CUBN: variants seen among roughly 807,000 people sequenced by gnomAD.
CUBN encodes the protein 460 kDa receptor.
Under a neutral mutation model 405.3 loss-of-function variants are expected in CUBN, and 282 were observed. The ratio of observed to expected loss-of-function variants is 0.70; its 90% CI spans 0.63 to 0.77. CUBN has a LOEUF of 0.77. CUBN is among the 30% of genes least tolerant of loss of function. CUBN has a pLI of 0.00. For missense variants in CUBN, 4,514 were observed against 4,475.2 expected (o/e 1.01, Z -0.25); for synonymous variants, 1,684 against 1,617.0 (o/e 1.04, Z -0.99).
At chr10:16,980,694 G>A (rs946629518) in intron 31 of CUBN, among the ~76,000 whole-genome samples, 2 of 152,088 alleles carry the variant, frequency 1.3e-5, no homozygotes, top group Non-Finnish European at 2.9e-5. Context: ...CCTGTCGAGG[G>A]GTGGGGGGCT....
In CUBN at chr10:17,129,745, A is replaced by T. The variant is rs770907287; in HGVS notation, c.21T>A (p.Pro7=). The part of the protein sequence containing the change: MMNMSL[P]FLWSLLTLLI... ...ATAAGGTAAGCAAACTCCAAAGAAA[A>T]GGTAAAGACATGTTCATCATCAACC... The change falls in exon 1 of 67, where the codon CCT becomes CCA. Residue 7 remains proline (P), a synonymous_variant. Coordinates refer to ENST00000377833, the MANE Select transcript of CUBN (RefSeq NM_001081.4). 56 of 1,614,006 alleles carry T rather than the reference A, an allele frequency of 3.5e-5. No homozygotes were observed. Among genetic ancestry groups the T allele is most frequent in the Non-Finnish European group, 4.6e-5 (54 of 1,179,976 alleles).
intron 22 of CUBN, among the ~76,000 whole-genome samples, chr10:17,052,930 A>C (rs1835307777): frequency 6.6e-6 from 1 of 152,034 alleles, no homozygotes; most frequent in Non-Finnish European, 1.5e-5. Flanking sequence ...ACAGTATTTC[A>C]CTTGTGAAGT....
At position 16,841,043 on chromosome 10, in the gene CUBN, T is replaced by C. The variant is rs1839332898; in HGVS notation, c.9668A>G (p.Tyr3223Cys). ...QRCLYDYVKL[Y>C]DGDSENANLA... ...GTTCGCATTTTCACTATCCCCATCATATAACTGAGAAGAAAAACAATTCAT... is the reference window on the plus strand; with the variant it reads ...GTTCGCATTTTCACTATCCCCATCACATAACTGAGAAGAAAAACAATTCAT... Residue 3223 changes from tyrosine to cysteine, a missense_variant, in exon 61 of 67, where the codon TAT becomes TGT. Around this residue, in one of 5 missense-constraint regions of CUBN, gnomAD observed 1,186 missense variants for 1,186.9 expected, o/e 1.00. Coordinates refer to ENST00000377833, the MANE Select transcript of CUBN (RefSeq NM_001081.4). The C allele has an allele frequency of 1.2e-6, 2 of 1,613,994 alleles. No homozygotes were observed. Among genetic ancestry groups the C allele is most frequent in the Non-Finnish European group, 1.7e-6 (2 of 1,179,944 alleles).
intron 17 of CUBN, among the ~76,000 whole-genome samples, chr10:17,079,671 G>C (rs528315454): frequency 6.6e-6 from 1 of 152,172 alleles, no homozygotes; most frequent in African/African-American, 2.4e-5. Flanking sequence ...CCTATGTGGT[G>C]TGTTTGCTTG....
intron 31 of CUBN, among the ~76,000 whole-genome samples, chr10:16,966,727 G>A (rs942745829): frequency 7.2e-5 from 11 of 152,182 alleles, no homozygotes; most frequent in African/African-American, 2.7e-4. Context: ...GGGATTACAG[G>A]CATGAGCCAC....
intron 28 of CUBN, among the ~76,000 whole-genome samples, chr10:16,996,098 A>G (rs948342070): frequency 6.6e-6 from 1 of 152,084 alleles, no homozygotes; most frequent in African/African-American, 2.4e-5. Flanking sequence ...CGGAACTAAC[A>G]ATGTTGAATG....
At chr10:16,944,802 G>A (rs117152064) in intron 36 of CUBN, among the ~76,000 whole-genome samples, 2 of 152,298 alleles carry the variant, frequency 1.3e-5, no homozygotes, top group Non-Finnish European at 2.9e-5. Context: ...TTCTGTGTGT[G>A]TAATCTCCCA....
intron 27 of CUBN, among the ~76,000 whole-genome samples, chr10:17,030,128 GGT>G (rs1834758067): frequency 6.6e-6 from 1 of 152,116 alleles, no homozygotes; most frequent in Non-Finnish European, 1.5e-5. Flanking sequence ...ACCCCCCAGT[GGT>G]ACTGTCTAAT....
intron 27 of CUBN, among the ~76,000 whole-genome samples, chr10:17,033,167 C>A (rs1175895326): frequency 1.3e-5 from 2 of 152,166 alleles, no homozygotes; most frequent in Non-Finnish European, 2.9e-5. Context: ...TCTTAATGTG[C>A]CCACCCTGCT....
At chr10:16,880,935 T>C (rs1459556427) in intron 56 of CUBN, among the ~76,000 whole-genome samples, 1 of 152,094 alleles carries the variant, frequency 6.6e-6, no homozygotes, top group Admixed American at 6.5e-5. Context: ...CAATATGATG[T>C]GGAAAAAGAG....
intron 36 of CUBN, among the ~76,000 whole-genome samples, chr10:16,945,917 A>T (rs1374982390): frequency 6.6e-6 from 1 of 152,138 alleles, no homozygotes; most frequent in Non-Finnish European, 1.5e-5. Flanking sequence ...TTGATGGATT[A>T]AAAAAAGCAA....
chr10:16,882,159 A>G (rs1287993845), intron 56 of CUBN, among the ~76,000 whole-genome samples: 1 of 152,204 alleles, frequency 6.6e-6, no homozygotes, highest in Non-Finnish European at 1.5e-5. Context: ...ACCAAGAGGC[A>G]GCATTCGATC....
chr10:17,105,556 C>T lies in CUBN; in HGVS notation c.1131G>A (p.Thr377=), dbSNP rs778306723. ...CATTTCCAGTATAACCCGGGAGACA[C>T]GTGCAGAGAGGTAAGGAACCTGTTC... ...SSTLGSLPLC[T]CLPGYTGNGY... is the part of the protein sequence containing the mutation. Residue 377 remains threonine, a synonymous_variant, in exon 11 of 67, where the codon ACG becomes ACA. Transcript: ENST00000377833. 42 of 1,604,464 alleles carry T rather than the reference C, an allele frequency of 2.6e-5. No individual in the cohort carries two copies. The East Asian group carries it at 5.6e-4, about 21-fold the overall frequency.
In CUBN at chr10:17,104,591, A is replaced by G. The variant is rs12571671; in HGVS notation, c.1245T>C (p.Gly415=). The change falls in exon 12 of 67, where the codon GGT becomes GGC. Residue 415 remains glycine (G), a synonymous_variant. Coordinates refer to ENST00000377833, the MANE Select transcript of CUBN (RefSeq NM_001081.4). ...LNGQCIDTVS[G]YFCKCDSGWT... The stretch of plus-strand genomic sequence containing the variant: ...AACCTGAGTCACACTTACAAAAATA[A>G]CCAGAGACAGTGTCCTAAGGGGAAA... 74,478 of 1,613,208 alleles carry G rather than the reference A, an allele frequency of 0.046. 3,597 individuals carry two copies. Among genetic ancestry groups the G allele is most frequent in the East Asian group, 0.26 (11,472 of 44,818 alleles).
At chr10:16,939,804 A>T (rs1002063614) in intron 37 of CUBN, among the ~76,000 whole-genome samples, 1 of 152,212 alleles carries the variant, frequency 6.6e-6, no homozygotes, top group African/African-American at 2.4e-5. Flanking sequence ...TAGAAATTAG[A>T]GCTTAAAAAG....
intron 59 of CUBN, among the ~76,000 whole-genome samples, chr10:16,856,051 T>C (rs772580698): frequency 6.6e-6 from 1 of 152,196 alleles, no homozygotes; most frequent in Non-Finnish European, 1.5e-5. Flanking sequence ...TGTGTTTCAA[T>C]GGTGGGGGAA....
rs754303848 is a variant in CUBN, at chr10:17,129,702, T to A, written c.64A>T (p.Asn22Tyr). 2 of 1,614,094 alleles carry A rather than the reference T, an allele frequency of 1.2e-6. No homozygotes were observed. The highest frequency in any genetic ancestry group is 2.2e-5 in the South Asian group (2 of 91,082). The stretch of plus-strand genomic sequence containing the variant: ...AGCTCAAGTTCTCCAGCTTCGCCAT[T>A]TACTTCAGCAAATATTAATAAGGTA... Reference protein sequence around the residue: ...LLTLLIFAEVNGEAGELELQR... With the variant: ...LLTLLIFAEVYGEAGELELQR... The change falls in exon 1 of 67, where the codon AAT becomes TAT. Residue 22 changes from asparagine (N) to tyrosine (Y), a missense_variant. Physicochemically the swap from Asn to Tyr is moderately radical, Grantham distance 143. Around this residue, in one of 5 missense-constraint regions of CUBN, gnomAD observed 1,448 missense variants for 1,388.0 expected, o/e 1.04. Coordinates refer to ENST00000377833, the MANE Select transcript of CUBN (RefSeq NM_001081.4).
Position 16,915,024 on chromosome 10 carries a change from G to T in CUBN, c.7351+8C>A. On this transcript the variant is annotated splice_region_variant and intron_variant, in intron 47 of 66. Transcript: ENST00000377833. ...TCAATGTTGTGTTGAATGAATCAATGAACTCACCTTCCATACTGGATTCAA... is the reference window on the plus strand; with the variant it reads ...TCAATGTTGTGTTGAATGAATCAATTAACTCACCTTCCATACTGGATTCAA... The T allele has an allele frequency of 6.2e-7, 1 of 1,612,898 alleles. No homozygotes were observed. Among genetic ancestry groups the T allele is most frequent in the South Asian group, 1.1e-5 (1 of 91,036 alleles).
At chr10:17,118,662 C>A (rs1322775104) in intron 6 of CUBN, among the ~76,000 whole-genome samples, 2 of 152,166 alleles carry the variant, frequency 1.3e-5, no homozygotes, top group Non-Finnish European at 2.9e-5. Flanking sequence ...GTCTCGAACT[C>A]CTGACATCAG....
Sources: allele counts gnomAD v4.1 joint callset (sites outside exome capture counted in the v4.1 genomes callset), GRCh38; gene constraint gnomAD v4.1.1; regional missense constraint gnomAD v4.1.1; transcripts MANE v1.5; gene names NCBI Gene and HGNC (gene_info 2026-07-23, HGNC 2026-07-21).